The following CNTNAP2 variants were observed in gnomAD, a reference collection of about 807,000 sequenced individuals.
CNTNAP2 encodes the protein contactin-associated protein-like 2.
A neutral mutation model predicts 155.2 loss-of-function variants in CNTNAP2; 98 were observed. The ratio of observed to expected loss-of-function variants is 0.63; its 90% CI spans 0.54 to 0.75. The LOEUF is 0.75. Ranked by LOEUF, CNTNAP2 falls within the 30% of genes least tolerant of loss-of-function variation. CNTNAP2 has a pLI of 0.00. For missense variants in CNTNAP2, 1,727 were observed against 1,688.1 expected (o/e 1.02, Z -0.40); for synonymous variants, 651 against 631.2 (o/e 1.03, Z -0.47).
chr7:147,682,060 A>G (rs1042678362), intron 13 of CNTNAP2, among the ~76,000 whole-genome samples: 1 of 151,906 alleles, frequency 6.6e-6, no homozygotes, highest in Non-Finnish European at 1.5e-5. Context: ...ATTAGAAGGT[A>G]TTAAATTTTT....
chr7:148,001,986 A>C (rs1183384734), intron 15 of CNTNAP2, among the ~76,000 whole-genome samples: 1 of 152,176 alleles, frequency 6.6e-6, no homozygotes, highest in Non-Finnish European at 1.5e-5. Flanking sequence ...TTTTTTATTA[A>C]ACATAAGTCA....
intron 9 of CNTNAP2, among the ~76,000 whole-genome samples, chr7:147,304,023 G>C (rs76109948): frequency 6.6e-6 from 1 of 152,026 alleles, no homozygotes; most frequent in East Asian, 1.9e-4. Context: ...CCTTAAATAC[G>C]TCCACATTTT....
At position 148,391,790 on chromosome 7, in the gene CNTNAP2, T is replaced by C. The variant is rs568449100; in HGVS notation, c.3715+7902T>C. ...AGATGGCAGTGCACATTCTGTAAAA[T>C]ACAAAAACAAAACAAACACCAGAAA... On this transcript the variant is annotated intron_variant, in intron 22 of 23. Transcript: ENST00000361727. 3.6e-4 allele frequency among the ~76,000 whole-genome samples: 55 copies of C among 152,226 alleles called. No individual in the cohort carries two copies. The East Asian group carries it at 8.9e-3, about 25-fold the overall frequency.
chr7:147,619,047 A>G (rs1228009778), intron 12 of CNTNAP2, among the ~76,000 whole-genome samples: 6 of 152,226 alleles, frequency 3.9e-5, no homozygotes, highest in Admixed American at 3.3e-4. Flanking sequence ...CAAATATACC[A>G]TTAAATCAGC....
At chr7:147,432,107 A>G (rs1318383843) in intron 10 of CNTNAP2, among the ~76,000 whole-genome samples, 4 of 152,218 alleles carry the variant, frequency 2.6e-5, no homozygotes, top group Non-Finnish European at 5.9e-5. Flanking sequence ...TCAAGAGACC[A>G]TGGAAAACTC....
intron 21 of CNTNAP2, among the ~76,000 whole-genome samples, chr7:148,369,535 T>C (rs1798849851): frequency 6.6e-6 from 1 of 152,032 alleles, no homozygotes; most frequent in Non-Finnish European, 1.5e-5. Flanking sequence ...GCCTCTGTTA[T>C]CATTATTAAG....
At chr7:147,264,197 A>G (rs973376384) in intron 8 of CNTNAP2, among the ~76,000 whole-genome samples, 1 of 152,188 alleles carries the variant, frequency 6.6e-6, no homozygotes, top group Non-Finnish European at 1.5e-5. Context: ...AAAGAAAGAT[A>G]CAATTATGCA....
At chr7:147,783,335 C>A (rs919079184) in intron 13 of CNTNAP2, among the ~76,000 whole-genome samples, 2 of 152,118 alleles carry the variant, frequency 1.3e-5, no homozygotes, top group African/African-American at 2.4e-5. Context: ...TGTGAATTTG[C>A]AAGCACATTT....
intron 1 of CNTNAP2, among the ~76,000 whole-genome samples, chr7:146,314,556 T>A (rs967227966): frequency 6.6e-6 from 1 of 152,128 alleles, no homozygotes. Flanking sequence ...GGGGAGATAC[T>A]TGTTGAATGT....
intron 1 of CNTNAP2, among the ~76,000 whole-genome samples, chr7:146,212,632 G>T (rs1799053689): frequency 6.6e-6 from 1 of 152,158 alleles, no homozygotes. Flanking sequence ...AATTTTGCCA[G>T]TATGGAACAA....
At chr7:147,338,485 T>G (rs967912564) in intron 9 of CNTNAP2, among the ~76,000 whole-genome samples, 6 of 152,060 alleles carry the variant, frequency 3.9e-5, no homozygotes, top group Non-Finnish European at 7.4e-5. Flanking sequence ...TATTTTATTG[T>G]GAAGTAAATG....
intron 1 of CNTNAP2, among the ~76,000 whole-genome samples, chr7:146,433,372 T>C (rs1251454493): frequency 6.6e-6 from 1 of 152,074 alleles, no homozygotes; most frequent in East Asian, 1.9e-4. Flanking sequence ...TGATGCTCAG[T>C]GAATGGAGAG....
intron 8 of CNTNAP2, among the ~76,000 whole-genome samples, chr7:147,225,774 G>A (rs534889283): frequency 7.3e-6 from 1 of 136,378 alleles, no homozygotes; most frequent in African/African-American, 2.9e-5. Flanking sequence ...AAGGAAGGAA[G>A]GAAGGAAGGA....
At chr7:147,281,432 A>G (rs915343685) in intron 8 of CNTNAP2, among the ~76,000 whole-genome samples, 1 of 151,834 alleles carries the variant, frequency 6.6e-6, no homozygotes, top group African/African-American at 2.4e-5. Context: ...ATGTAGTCAT[A>G]TTGTCTAGGG....
chr7:146,649,962 G>C (rs1157053536), intron 1 of CNTNAP2, among the ~76,000 whole-genome samples: 2 of 152,112 alleles, frequency 1.3e-5, no homozygotes, highest in African/African-American at 4.8e-5. Flanking sequence ...ACCACAGTGG[G>C]GTACCATCTC....
At chr7:148,261,637 G>A (rs556626446) in intron 20 of CNTNAP2, among the ~76,000 whole-genome samples, 2 of 152,174 alleles carry the variant, frequency 1.3e-5, no homozygotes, top group Non-Finnish European at 2.9e-5. Context: ...CTGGGGGAGC[G>A]ACAGGCTGGC....
At chr7:146,517,432 G>C (rs1456451309) in intron 1 of CNTNAP2, among the ~76,000 whole-genome samples, 1 of 151,936 alleles carries the variant, frequency 6.6e-6, no homozygotes, top group Non-Finnish European at 1.5e-5. Flanking sequence ...ATTGATGTTG[G>C]AGAAGAGTAA....
At chr7:148,383,975 C>G in intron 22 of CNTNAP2, 87 bp downstream of exon 22, 2 of 1,515,556 alleles carry the variant, frequency 1.3e-6, no homozygotes, top group Non-Finnish European at 1.8e-6. Context: ...AATAACAGAA[C>G]CTCACTGGTA....
chr7:146,818,359 T>C (rs1226572619), intron 2 of CNTNAP2, among the ~76,000 whole-genome samples: 1 of 152,192 alleles, frequency 6.6e-6, no homozygotes. Flanking sequence ...TTAAGTAGTT[T>C]ATAGAATCAT....
Sources: allele counts gnomAD v4.1 joint callset (sites outside exome capture counted in the v4.1 genomes callset), GRCh38; gene constraint gnomAD v4.1.1; transcripts MANE v1.5; gene names NCBI Gene and HGNC (gene_info 2026-07-23, HGNC 2026-07-21).